The following BMAL1 variants were observed in gnomAD, a reference collection of about 807,000 sequenced individuals.
BMAL1 encodes the protein basic helix-loop-helix ARNT-like protein 1.
At chr11:13,356,728 T>C in the BMAL1 span, 5 of 1,614,038 alleles carry the variant, frequency 3.1e-6, no homozygotes, top group East Asian at 4.5e-5. Context: ...CATTCTCTTT[T>C]GTTTTTTCAG....
the BMAL1 span, among the ~76,000 whole-genome samples, chr11:13,385,431 A>G: frequency 6.6e-6 from 1 of 152,226 alleles, no homozygotes; most frequent in Admixed American, 6.5e-5. Flanking sequence ...GATTCCAGGC[A>G]GTTGAATGCT....
the BMAL1 span, chr11:13,369,887 C>A: frequency 7.7e-7 from 1 of 1,300,920 alleles, no homozygotes; most frequent in Non-Finnish European, 1.1e-6. Context: ...GGTCCCAGGA[C>A]TGCAGACAGG....
the BMAL1 span, chr11:13,356,954 A>G: frequency 5.0e-6 from 8 of 1,594,382 alleles, no homozygotes; most frequent in Admixed American, 3.5e-5. Flanking sequence ...GTGTGTCTGC[A>G]GAGAGATGAC....
the BMAL1 span, chr11:13,358,635 A>T: frequency 6.7e-7 from 1 of 1,488,378 alleles, no homozygotes. Context: ...TTGCCCACAA[A>T]TGTTACCACC....
At chr11:13,333,647 G>T in the BMAL1 span, among the ~76,000 whole-genome samples, 1 of 152,230 alleles carries the variant, frequency 6.6e-6, no homozygotes, top group Non-Finnish European at 1.5e-5. Flanking sequence ...TCCCATCTGC[G>T]CAGTGGCTGC....
At chr11:13,376,646 C>T in the BMAL1 span, 10 of 1,613,940 alleles carry the variant, frequency 6.2e-6, no homozygotes, top group Admixed American at 1.7e-5. Flanking sequence ...ACAGAGCCAA[C>T]GTCCTGGAAG....
chr11:13,378,939 T>A, the BMAL1 span: 1 of 153,650 alleles, frequency 6.5e-6, no homozygotes, highest in African/African-American at 2.4e-5. Context: ...ACCAAGCAGA[T>A]CAGCTAGTTA....
the BMAL1 span, chr11:13,358,609 A>G: frequency 3.8e-6 from 6 of 1,563,532 alleles, no homozygotes; most frequent in Non-Finnish European, 5.2e-6. Flanking sequence ...CCTGGGCTCT[A>G]TTGTCCTTTA....
chr11:13,284,176 ATGTGTATATATATATATG>A, the BMAL1 span, among the ~76,000 whole-genome samples: 303 of 23,274 alleles, frequency 0.013, 40 homozygotes, highest in African/African-American at 0.038. Context: ...ATATATATAT[ATGTGTATATATATATATG>A]TGTGTATATA....
chr11:13,362,033 G>A, the BMAL1 span, among the ~76,000 whole-genome samples: 1 of 152,214 alleles, frequency 6.6e-6, no homozygotes, highest in Non-Finnish European at 1.5e-5. Context: ...CAGCCTCCCT[G>A]GTGGAGACAG....
the BMAL1 span, among the ~76,000 whole-genome samples, chr11:13,353,950 G>C: frequency 6.6e-6 from 1 of 152,256 alleles, no homozygotes; most frequent in Middle Eastern, 3.4e-3. Context: ...ACTGCCCTGG[G>C]TTTTCACTTC....
chr11:13,323,610 T>G, the BMAL1 span, among the ~76,000 whole-genome samples: 3 of 152,332 alleles, frequency 2.0e-5, no homozygotes, highest in Non-Finnish European at 4.4e-5. Flanking sequence ...TTTGTTTTAC[T>G]GGTTTTAAAA....
the BMAL1 span, among the ~76,000 whole-genome samples, chr11:13,293,955 A>G: frequency 6.6e-6 from 1 of 152,252 alleles, no homozygotes; most frequent in Non-Finnish European, 1.5e-5. Flanking sequence ...GATTTGGAAA[A>G]AATGTGTGAC....
the BMAL1 span, among the ~76,000 whole-genome samples, chr11:13,327,770 G>A: frequency 9.2e-5 from 14 of 152,320 alleles, no homozygotes; most frequent in African/African-American, 3.1e-4. Context: ...TTGGTGAGCA[G>A]TCCTAGTCTT....
chr11:13,379,542 T>G, the BMAL1 span: 1 of 152,196 alleles, frequency 6.6e-6, no homozygotes, highest in Non-Finnish European at 1.5e-5. Flanking sequence ...TACCCTGTAT[T>G]TTGCTTGAGA....
At chr11:13,367,931 G>GT in the BMAL1 span, among the ~76,000 whole-genome samples, 1 of 152,222 alleles carries the variant, frequency 6.6e-6, no homozygotes, top group Non-Finnish European at 1.5e-5. Flanking sequence ...AGTAAGAACA[G>GT]TATCAGTGTG....
the BMAL1 span, among the ~76,000 whole-genome samples, chr11:13,368,778 A>G: frequency 2.6e-5 from 4 of 152,232 alleles, no homozygotes; most frequent in African/African-American, 7.2e-5. Context: ...CAGACAGCAC[A>G]GTCCAATAAA....
chr11:13,278,733 G>C, the BMAL1 span, among the ~76,000 whole-genome samples: 2 of 152,240 alleles, frequency 1.3e-5, no homozygotes, highest in African/African-American at 4.8e-5. Context: ...GCCCGGGTGC[G>C]GGCCGGCCTT....
the BMAL1 span, among the ~76,000 whole-genome samples, chr11:13,342,511 A>G: frequency 2.0e-5 from 3 of 152,128 alleles, no homozygotes; most frequent in Non-Finnish European, 4.4e-5. Flanking sequence ...GTGGATGCAT[A>G]CACTTGGGAC....
Sources: gnomAD v4.1 joint callset for allele counts (sites outside exome capture counted in the v4.1 genomes callset) on GRCh38, gnomAD v4.1.1 for gene constraint, MANE v1.5 for transcripts, NCBI Gene and HGNC (gene_info 2026-07-23, HGNC 2026-07-21) for gene names.